Variants in NEB observed in about 807,000 individuals in gnomAD.
NEB encodes the protein nemaline myopathy type 2.
Under a neutral mutation model 952.2 loss-of-function variants are expected in NEB, and 512 were observed. That is an observed-to-expected ratio of 0.54 (90% CI 0.50 to 0.58). The LOEUF (loss-of-function observed/expected upper bound fraction) is 0.58. Among genes scored for constraint, NEB ranks in the 20% least tolerant of loss-of-function variants. The pLI, the probability that NEB is intolerant of heterozygous loss-of-function variation, is 0.00. For missense variants in NEB, 8,428 were observed against 9,231.1 expected (o/e 0.91, Z 3.56); for synonymous variants, 2,900 against 3,149.8 (o/e 0.92, Z 2.66).
At chr2:151,698,045 G>T (rs1421148336) in intron 13 of NEB, among the ~76,000 whole-genome samples, 3 of 150,276 alleles carry the variant, frequency 2.0e-5, no homozygotes, top group Admixed American at 6.7e-5. Flanking sequence ...CAGCCCGGGC[G>T]ACAATGCGAG....
At chr2:151,553,651 CAT>C (rs531981196) in intron 126 of NEB, 149 bp from the exon 127 acceptor site, 90 of 850,268 alleles carry the variant, frequency 1.1e-4, no homozygotes, top group East Asian at 8.2e-4. Flanking sequence ...GCCACAGAAA[CAT>C]GTGTACACAG....
chr2:151,533,178 G>A (rs2092186286), intron 143 of NEB, among the ~76,000 whole-genome samples: 1 of 152,142 alleles, frequency 6.6e-6, no homozygotes, highest in Non-Finnish European at 1.5e-5. Flanking sequence ...ATAAATTAAT[G>A]TTATACCACT....
chr2:151,721,737 T>A (rs1479743140), intron 9 of NEB, among the ~76,000 whole-genome samples: 1 of 152,248 alleles, frequency 6.6e-6, no homozygotes, highest in Non-Finnish European at 1.5e-5. Context: ...AATAAATAAC[T>A]ATTGATCACT....
At chr2:151,674,033 C>T (rs2099332708) in intron 36 of NEB, among the ~76,000 whole-genome samples, 1 of 152,182 alleles carries the variant, frequency 6.6e-6, no homozygotes, top group Non-Finnish European at 1.5e-5. Flanking sequence ...CATCAATTTA[C>T]ATGAATCAAA....
In NEB at chr2:151,535,970, A is replaced by C. The variant is rs536824060; in HGVS notation, c.21208-175T>G. ...TTGCCCAGGCTGGACTGCAAGGCAC[A>C]GTCATAGCTCACTGCAACCTCCGCC... On this transcript the variant is annotated intron_variant, in intron 141 of 181. Transcript: ENST00000397345. Among the ~76,000 whole-genome samples the C allele has an allele frequency of 7.9e-5, 12 of 152,286 alleles. No individual in the cohort carries two copies. In the East Asian group the frequency reaches 2.3e-3, roughly 29 times the overall value.
rs745586435 is a variant in NEB at position 151,531,848 on chromosome 2, T to C, written c.21466A>G (p.Ile7156Val). The change falls in exon 144 of 182, where the codon ATT (isoleucine) becomes GTT (valine). Residue 7156 changes from isoleucine to valine, a missense_variant. By Grantham distance (29) the Ile-to-Val change is conservative. Transcript: ENST00000397345. ...YEKSKDKFTS[I>V]VDTPEHLRTT... ...CGCAGGTGTTCTGGAGTATCCACAA[T>C]TGAGGTAAATTTGTCCTTTGATTTT... 28 of 1,612,820 alleles carry C rather than the reference T, an allele frequency of 1.7e-5. 2 individuals are homozygous for C. The East Asian group carries it at 2.0e-4, about 12-fold the overall frequency.
At chr2:151,550,266 C>CAAAAAAAA (rs57057802) in intron 129 of NEB, among the ~76,000 whole-genome samples, 2 of 73,366 alleles carry the variant, frequency 2.7e-5, no homozygotes, top group Non-Finnish European at 2.5e-5. Flanking sequence ...ACCCTGTCTC[C>CAAAAAAAA]AAAAAAAAAA....
chr2:151,547,563 T>A (rs375768742), intron 132 of NEB, 30 bp from the exon 133 acceptor site: 4 of 1,599,818 alleles, frequency 2.5e-6, no homozygotes, highest in Non-Finnish European at 3.4e-6. Context: ...CCAAAACATA[T>A]GTATTAGAGA....
At chr2:151,680,079 C>T (rs2099403050) in intron 30 of NEB, 57 bp from the exon 31 acceptor site, 1 of 1,273,758 alleles carries the variant, frequency 7.9e-7, no homozygotes, top group Non-Finnish European at 1.1e-6. Context: ...AATTTAATGG[C>T]ACCAGAAAAT....
Position 151,650,710 on chromosome 2 carries a change from A to C in NEB, c.7091T>G (p.Leu2364Trp). The C allele has an allele frequency of 4.3e-6, 7 of 1,613,964 alleles. No homozygotes were observed. Among genetic ancestry groups the C allele is most frequent in the Non-Finnish European group, 5.9e-6 (7 of 1,179,864 alleles). ...KTKFSSPVDM[L>W]GVVLAKKCQE... ...ACACTTCTTGGCCAGTACCACTCCC[A>C]ACATGTCCACTGGGCTGGAGAACTT... The change falls in exon 53 of 182, where the codon TTG becomes TGG. Residue 2364 changes from leucine (L) to tryptophan (W), a missense_variant. Coordinates refer to ENST00000397345, the MANE Select transcript of NEB (RefSeq NM_001164508.2).
rs557870969 is a variant in NEB at position 151,657,982 on chromosome 2, C to T, written c.6183+1G>A. The T allele has an allele frequency of 1.9e-6, 3 of 1,593,728 alleles. No individual in the cohort carries two copies. The highest frequency in any genetic ancestry group is 2.2e-5 in the East Asian group (1 of 44,692). Reference sequence around the variant, plus strand: ...CAGGTGACCGTTTCCTTTGGACTTACATCACTTGCAATATCTCTGGAAGCC... The same window carrying T: ...CAGGTGACCGTTTCCTTTGGACTTATATCACTTGCAATATCTCTGGAAGCC... On this transcript the variant is annotated splice_donor_variant, in intron 48 of 181. Transcript: ENST00000397345. LOFTEE classifies it high-confidence loss of function.
At chr2:151,655,034 G>A (rs534108860) in intron 51 of NEB, among the ~76,000 whole-genome samples, 57 of 151,884 alleles carry the variant, frequency 3.8e-4, no homozygotes, top group Non-Finnish European at 7.2e-4. Context: ...TTCCTGCTTG[G>A]TATCAAGCAC....
chr2:151,710,575 T>C, intron 10 of NEB, 37 bp from the exon 11 acceptor site: 1 of 1,273,084 alleles, frequency 7.9e-7, no homozygotes, highest in South Asian at 1.3e-5. Flanking sequence ...CAAGCATAAC[T>C]CATGAATTGA....
At chr2:151,511,085 C>T (rs1219468815) in intron 161 of NEB, among the ~76,000 whole-genome samples, 9 of 152,180 alleles carry the variant, frequency 5.9e-5, no homozygotes. Flanking sequence ...GTGACGTGAT[C>T]CCACACTGGG....
chr2:151,662,174 G>A lies in NEB; in HGVS notation c.5931C>T (p.Asn1977=). The A allele has an allele frequency of 6.2e-7, 1 of 1,613,404 alleles. No homozygotes were observed. Among genetic ancestry groups the A allele is most frequent in the Non-Finnish European group, 8.5e-7 (1 of 1,179,544 alleles). ...LKYSTLMDSM[N]MVLAQNNAKI... ...TTGCATTATTCTGGGCCAAAACCAT[G>A]TTCATCGAGTCCATGAGTGTGGAAT... is the stretch of plus-strand genomic sequence containing the variant. Residue 1977 remains asparagine, a synonymous_variant, in exon 46 of 182, where the codon AAC becomes AAT. Coordinates refer to ENST00000397345, the MANE Select transcript of NEB (RefSeq NM_001164508.2).
In NEB at chr2:151,710,336, G is replaced by A. The variant is rs949373680; in HGVS notation, c.927+98C>T. On this transcript the variant is annotated intron_variant, in intron 11 of 181. Coordinates refer to ENST00000397345, the MANE Select transcript of NEB (RefSeq NM_001164508.2). ...TGCCCCAAGAAGAGGGGCCTCAAGTGTTCTGGCACCCATTCAGGTAGAGCA... is the reference window on the plus strand; with the variant it reads ...TGCCCCAAGAAGAGGGGCCTCAAGTATTCTGGCACCCATTCAGGTAGAGCA... The A allele has an allele frequency of 9.9e-6, 7 of 709,770 alleles. 1 individual carries two copies. The highest frequency in any genetic ancestry group is 1.6e-5 in the Non-Finnish European group (7 of 428,104). 44.0% of individuals were successfully genotyped at this position (709,770 alleles called of 1,614,324 possible).
chr2:151,516,399 A>C, intron 157 of NEB, 60 bp downstream of exon 157: 40 of 1,178,406 alleles, frequency 3.4e-5, no homozygotes, highest in Non-Finnish European at 4.9e-5. Flanking sequence ...TGTCATGGGC[A>C]GAGCTTGTGT....
At chr2:151,730,794 C>T (rs551108095) in intron 3 of NEB, among the ~76,000 whole-genome samples, 26 of 152,136 alleles carry the variant, frequency 1.7e-4, no homozygotes, top group Admixed American at 5.9e-4. Flanking sequence ...GTCAGTAGGC[C>T]GCCTGTGCTA....
chr2:151,649,788 G>C (rs955123983), intron 54 of NEB, among the ~76,000 whole-genome samples: 1 of 152,108 alleles, frequency 6.6e-6, no homozygotes, highest in South Asian at 2.1e-4. Context: ...ATAATCATTT[G>C]TCAGGAAATA....
Sources: allele counts gnomAD v4.1 joint callset (sites outside exome capture counted in the v4.1 genomes callset), GRCh38; gene constraint gnomAD v4.1.1; transcripts MANE v1.5; gene names NCBI Gene and HGNC (gene_info 2026-07-23, HGNC 2026-07-21).